Variants in STAG1 observed in about 807,000 individuals in gnomAD.
STAG1 encodes the protein STAG1 cohesin complex component.
A neutral mutation model predicts 170.9 loss-of-function variants in STAG1; 26 were observed. The ratio of observed to expected loss-of-function variants is 0.15; its 90% CI spans 0.11 to 0.21. The LOEUF (loss-of-function observed/expected upper bound fraction) is 0.21, where lower values mean the gene tolerates loss of function less well. Ranked by LOEUF, STAG1 falls within the 10% of genes least tolerant of loss-of-function variation. STAG1 has a pLI of 1.00. For missense variants in STAG1, 964 were observed against 1,509.5 expected, an observed-to-expected ratio of 0.64 and a Z score of 5.99; for synonymous variants, 514 against 497.7, an observed-to-expected ratio of 1.03 and a Z score of -0.44.
chr3:136,354,378 TGCCCCTGGG>T (rs1200426609), intron 28 of STAG1, among the ~76,000 whole-genome samples: 1 of 152,156 alleles, frequency 6.6e-6, no homozygotes, highest in African/African-American at 2.4e-5. Context: ...CTGCGACCTC[TGCCCCTGGG>T]GCCCCTGGGG....
At chr3:136,500,981 C>T (rs1219667556) in intron 8 of STAG1, among the ~76,000 whole-genome samples, 1 of 152,146 alleles carries the variant, frequency 6.6e-6, no homozygotes, top group Non-Finnish European at 1.5e-5. Context: ...CTGTAATTTA[C>T]TGTATAGTAA....
intron 5 of STAG1, 26 bp downstream of exon 5, chr3:136,568,739 A>T: frequency 6.5e-7 from 1 of 1,544,812 alleles, no homozygotes; most frequent in Non-Finnish European, 8.9e-7. Context: ...GGCTCAATGT[A>T]CATCATTTAT....
intron 1 of STAG1, among the ~76,000 whole-genome samples, chr3:136,704,154 G>A (rs1188691349): frequency 6.7e-6 from 1 of 150,320 alleles, no homozygotes; most frequent in Non-Finnish European, 1.5e-5. Context: ...AGGTTCAAGT[G>A]ATTCTCCTGC....
chr3:136,446,563 C>T (rs1211837796), intron 14 of STAG1, among the ~76,000 whole-genome samples: 1 of 151,974 alleles, frequency 6.6e-6, no homozygotes, highest in East Asian at 1.9e-4. Flanking sequence ...GCTGAGATGA[C>T]AGGCACCTGC....
chr3:136,746,239 AT>A (rs1156465781), intron 1 of STAG1, among the ~76,000 whole-genome samples: 1 of 152,170 alleles, frequency 6.6e-6, no homozygotes, highest in East Asian at 1.9e-4. Context: ...AAAGATTTAT[AT>A]TTTTATTCAG....
chr3:136,645,282 GT>G (rs1940964941), intron 1 of STAG1, among the ~76,000 whole-genome samples: 1 of 152,174 alleles, frequency 6.6e-6, no homozygotes, highest in Non-Finnish European at 1.5e-5. Context: ...GAGAACTGTG[GT>G]TTGAGAGAAT....
chr3:136,678,948 G>A (rs1166128594), intron 1 of STAG1, among the ~76,000 whole-genome samples: 2 of 143,260 alleles, frequency 1.4e-5, no homozygotes, highest in African/African-American at 5.2e-5. Flanking sequence ...TGGCAGTGGG[G>A]AGAGCAGGGC....
chr3:136,378,565 T>C (rs556379074), intron 22 of STAG1, among the ~76,000 whole-genome samples: 1 of 152,220 alleles, frequency 6.6e-6, no homozygotes, highest in South Asian at 2.1e-4. Flanking sequence ...TTACTGGGGA[T>C]GCTGAGGCAG....
intron 26 of STAG1, among the ~76,000 whole-genome samples, chr3:136,361,126 C>A (rs937556017): frequency 6.6e-6 from 1 of 152,174 alleles, no homozygotes; most frequent in African/African-American, 2.4e-5. Context: ...TACCATTATT[C>A]TCTCCAAAGG....
chr3:136,407,666 T>G (rs538949438), intron 21 of STAG1, among the ~76,000 whole-genome samples: 1 of 152,066 alleles, frequency 6.6e-6, no homozygotes, highest in Non-Finnish European at 1.5e-5. Flanking sequence ...TTCATCATGT[T>G]GGACAAGCTG....
chr3:136,512,840 C>T (rs576869636), intron 7 of STAG1, among the ~76,000 whole-genome samples: 55 of 152,172 alleles, frequency 3.6e-4, no homozygotes, highest in African/African-American at 1.3e-3. Context: ...ACACACACAC[C>T]CCTCTGCTAT....
chr3:136,628,994 C>G (rs186344345), intron 2 of STAG1, among the ~76,000 whole-genome samples: 13 of 152,196 alleles, frequency 8.5e-5, no homozygotes, highest in Admixed American at 5.9e-4. Flanking sequence ...ACCAAGAGTA[C>G]CATCTTCGGC....
In STAG1 at chr3:136,684,263, G is replaced by A. The variant is rs141259418; in HGVS notation, c.-83-53282C>T. Reference sequence around the variant, plus strand: ...ACAGAACAAAGTCGGAAAACTAACCGTAGCAACTTCAAGATTTACTATAAA... The same window carrying A: ...ACAGAACAAAGTCGGAAAACTAACCATAGCAACTTCAAGATTTACTATAAA... On this transcript the variant is annotated intron_variant, in intron 1 of 33. Transcript: ENST00000383202. 7.1e-3 allele frequency among the ~76,000 whole-genome samples: 1,082 copies of A among 152,240 alleles called. 15 individuals carry two copies. The highest frequency in any genetic ancestry group is 0.023 in the African/African-American group (971 of 41,526).
intron 1 of STAG1, among the ~76,000 whole-genome samples, chr3:136,668,292 TATA>T (rs928937790): frequency 6.8e-6 from 1 of 146,824 alleles, no homozygotes; most frequent in African/African-American, 2.5e-5. Context: ...ATACATGATA[TATA>T]ATATATATTA....
intron 1 of STAG1, among the ~76,000 whole-genome samples, chr3:136,690,061 A>AAAAAAAAAAAAAAAAAAAAG (rs1942671229): frequency 6.8e-6 from 1 of 146,874 alleles, no homozygotes; most frequent in Non-Finnish European, 1.5e-5. Flanking sequence ...CAAACCAAAA[A>AAAAAAAAAAAAAAAAAAAAG]AAAAAAAAAA....
chr3:136,485,084 G>A (rs1446519575), intron 9 of STAG1, among the ~76,000 whole-genome samples: 5 of 152,138 alleles, frequency 3.3e-5, no homozygotes, highest in Non-Finnish European at 7.4e-5. Flanking sequence ...TTCCTATTCG[G>A]CCATCTTGGC....
chr3:136,561,336 G>C (rs542198980), intron 5 of STAG1, among the ~76,000 whole-genome samples: 145 of 152,160 alleles, frequency 9.5e-4, no homozygotes, highest in Non-Finnish European at 1.8e-3. Context: ...TGGTTATAAA[G>C]GAATTCTTAG....
rs185586526 is a variant in STAG1, at chr3:136,350,397, T to C, written c.3066-1034A>G. On this transcript the variant is annotated intron_variant, in intron 28 of 33. Coordinates refer to ENST00000383202, the MANE Select transcript of STAG1 (RefSeq NM_005862.3). ...CCAGCCCTGTGTTGTGTAAGTTCTA[T>C]TCTGAACAGCAACCAGGAAAAATGA... is the stretch of plus-strand genomic sequence containing the variant. 3.3e-5 allele frequency among the ~76,000 whole-genome samples: 5 copies of C among 152,270 alleles called. No homozygotes were observed. The East Asian group carries it at 9.7e-4, about 29-fold the overall frequency.
At chr3:136,447,509 T>G (rs1342582079) in intron 14 of STAG1, among the ~76,000 whole-genome samples, 1 of 151,474 alleles carries the variant, frequency 6.6e-6, no homozygotes, top group Non-Finnish European at 1.5e-5. Context: ...GTGACCATAC[T>G]GCCAGATTAT....
Sources: gnomAD v4.1 joint callset for allele counts (sites outside exome capture counted in the v4.1 genomes callset) on GRCh38, gnomAD v4.1.1 for gene constraint, MANE v1.5 for transcripts, NCBI Gene and HGNC (gene_info 2026-07-23, HGNC 2026-07-21) for gene names.